The following EPB41L3 variants were observed in gnomAD, a reference collection of about 807,000 sequenced individuals.
The protein encoded by EPB41L3 is erythrocyte membrane protein band 4.1 like 3.
A neutral mutation model predicts 127.1 loss-of-function variants in EPB41L3; 57 were observed. The ratio of observed to expected loss-of-function variants is 0.45; its 90% CI spans 0.36 to 0.56. The LOEUF (loss-of-function observed/expected upper bound fraction) is 0.56. Ranked by LOEUF, EPB41L3 falls within the 20% of genes least tolerant of loss-of-function variation. The pLI is 0.00. For missense variants in EPB41L3, 1,273 were observed against 1,372.2 expected (o/e 0.93, Z 1.14); for synonymous variants, 572 against 549.5 (o/e 1.04, Z -0.57).
chr18:5,465,936 TG>T (rs2084880706), intron 3 of EPB41L3, among the ~76,000 whole-genome samples: 1 of 150,930 alleles, frequency 6.6e-6, no homozygotes, highest in African/African-American at 2.5e-5. Context: ...TTTAACAGTC[TG>T]GGGGTGAGTG....
At chr18:5,531,081 C>T (rs1223820094) in intron 1 of EPB41L3, among the ~76,000 whole-genome samples, 2 of 152,188 alleles carry the variant, frequency 1.3e-5, no homozygotes, top group Non-Finnish European at 2.9e-5. Context: ...TCTCATGCAT[C>T]TTACAGTTTG....
chr18:5,583,997 A>G (rs1201717480), intron 3 of EPB41L3, among the ~76,000 whole-genome samples: 3 of 152,172 alleles, frequency 2.0e-5, no homozygotes, highest in Non-Finnish European at 4.4e-5. Flanking sequence ...TAGTAGAGAC[A>G]GGGTTTCTCC....
At chr18:5,516,879 T>C (rs2092772621) in intron 1 of EPB41L3, among the ~76,000 whole-genome samples, 1 of 152,210 alleles carries the variant, frequency 6.6e-6, no homozygotes. Context: ...TGTAAAATGG[T>C]TGCATGCCAA....
chr18:5,598,752 G>T (rs909185862), intron 3 of EPB41L3, among the ~76,000 whole-genome samples: 1 of 152,188 alleles, frequency 6.6e-6, no homozygotes, highest in Non-Finnish European at 1.5e-5. Context: ...TTAGAATTCT[G>T]CCTTGTCAAT....
chr18:5,484,479 G>T (rs2148129352), intron 2 of EPB41L3, among the ~76,000 whole-genome samples: 1 of 151,002 alleles, frequency 6.6e-6, no homozygotes. Flanking sequence ...AGGAAAAAAA[G>T]AAATGATGAT....
chr18:5,420,409 T>G (rs1017896784), intron 11 of EPB41L3, among the ~76,000 whole-genome samples: 6 of 152,188 alleles, frequency 3.9e-5, no homozygotes, highest in Non-Finnish European at 8.8e-5. Flanking sequence ...TGTTGAAAAG[T>G]CTATCACTCT....
chr18:5,409,789 G>A (rs997439664), intron 14 of EPB41L3, among the ~76,000 whole-genome samples: 3 of 150,998 alleles, frequency 2.0e-5, no homozygotes, highest in Non-Finnish European at 4.4e-5. Context: ...AAAAGTAGCC[G>A]AATTAACATC....
In EPB41L3 at chr18:5,535,638, G is replaced by A. The variant is rs188057934; in HGVS notation, c.-12+8275C>T. Among the ~76,000 whole-genome samples the A allele has an allele frequency of 2.1e-4, 32 of 152,242 alleles. 1 individual carries two copies. Among genetic ancestry groups the A allele is most frequent in the African/African-American group, 6.5e-4 (27 of 41,536 alleles). Reference sequence around the variant, plus strand: ...CCAGCCTGAGACCTCTAGATGCCCCGATGGCATCATCTCACAGAAGCCTGG... The same window carrying A: ...CCAGCCTGAGACCTCTAGATGCCCCAATGGCATCATCTCACAGAAGCCTGG... On this transcript the variant is annotated intron_variant, in intron 1 of 22. Coordinates refer to ENST00000341928, the MANE Select transcript of EPB41L3 (RefSeq NM_012307.5).
chr18:5,423,290 A>T, intron 11 of EPB41L3, 88 bp downstream of exon 11: 1 of 1,284,500 alleles, frequency 7.8e-7, no homozygotes, highest in Non-Finnish European at 1.0e-6. Context: ...ATATCCAGGA[A>T]TATCTATACT....
At chr18:5,555,563 G>A (rs1366772564) in intron 3 of EPB41L3, among the ~76,000 whole-genome samples, 2 of 152,094 alleles carry the variant, frequency 1.3e-5, no homozygotes, top group Middle Eastern at 3.4e-3. Flanking sequence ...TAGAAACCCA[G>A]GCATCTCCTG....
intron 3 of EPB41L3, among the ~76,000 whole-genome samples, chr18:5,460,342 C>T (rs1168623384): frequency 6.6e-6 from 1 of 152,136 alleles, no homozygotes; most frequent in African/African-American, 2.4e-5. Flanking sequence ...CTGTGATACT[C>T]CCACCATCTA....
At chr18:5,567,288 C>A (rs1337142779) in intron 3 of EPB41L3, 1 of 152,172 alleles carries the variant, frequency 6.6e-6, no homozygotes, top group South Asian at 2.1e-4. Context: ...CTCTAGTGGG[C>A]AGAAAGAAGA....
At chr18:5,452,137 C>T (rs2146649473) in intron 3 of EPB41L3, among the ~76,000 whole-genome samples, 1 of 152,262 alleles carries the variant, frequency 6.6e-6, no homozygotes, top group South Asian at 2.1e-4. Flanking sequence ...AGCCACCACG[C>T]CTGGCTGACA....
chr18:5,467,073 G>C (rs2085128243), intron 3 of EPB41L3, among the ~76,000 whole-genome samples: 1 of 152,156 alleles, frequency 6.6e-6, no homozygotes, highest in Non-Finnish European at 1.5e-5. Context: ...GGGTCCCCAG[G>C]TTTGACTCAC....
intron 14 of EPB41L3, among the ~76,000 whole-genome samples, chr18:5,409,176 T>C (rs1328449883): frequency 6.6e-6 from 1 of 152,208 alleles, no homozygotes; most frequent in Non-Finnish European, 1.5e-5. Context: ...GACACACCCA[T>C]TCTTCAGTGC....
intron 1 of EPB41L3, among the ~76,000 whole-genome samples, chr18:5,628,203 T>A (rs1002346097): frequency 9.8e-5 from 15 of 152,362 alleles, no homozygotes; most frequent in African/African-American, 3.6e-4. Flanking sequence ...AGATCCCACA[T>A]AGACCCTGCT....
Position 5,445,101 on chromosome 18 carries a change from T to C in EPB41L3, c.486+39A>G, listed in dbSNP as rs183980413. 7.6e-5 allele frequency: 116 copies of C among 1,523,116 alleles called. No homozygotes were observed. In the Admixed American group the frequency reaches 1.9e-3, roughly 25 times the overall value. 94.4% of individuals were successfully genotyped at this position (1,523,116 alleles called of 1,614,324 possible). A position where few individuals can be genotyped will look rare whatever the true frequency, so the allele number is the denominator to read the frequency against. On this transcript the variant is annotated intron_variant, in intron 4 of 22. Coordinates refer to ENST00000341928, the MANE Select transcript of EPB41L3 (RefSeq NM_012307.5). ...TTCACTTTCTGGCAGTAATGAGCAG[T>C]TCAAGCCATCTTATTTTGCATTGCT... is the stretch of plus-strand genomic sequence containing the variant.
intron 3 of EPB41L3, among the ~76,000 whole-genome samples, chr18:5,472,309 T>A (rs1441182580): frequency 6.6e-6 from 1 of 152,166 alleles, no homozygotes; most frequent in African/African-American, 2.4e-5. Context: ...CAAAGAGCTA[T>A]CACACTAGGA....
intron 6 of EPB41L3, among the ~76,000 whole-genome samples, chr18:5,437,453 T>C (rs188068759): frequency 6.6e-6 from 1 of 152,338 alleles, no homozygotes; most frequent in African/African-American, 2.4e-5. Context: ...TAGTATTTTG[T>C]TACAGCAGCC....
Sources: gnomAD v4.1 joint callset for allele counts (sites outside exome capture counted in the v4.1 genomes callset) on GRCh38, gnomAD v4.1.1 for gene constraint, MANE v1.5 for transcripts, NCBI Gene and HGNC (gene_info 2026-07-23, HGNC 2026-07-21) for gene names.